Variants in ACACA observed in about 807,000 individuals in gnomAD.
ACACA encodes the protein acetyl-CoA carboxylase alpha.
Under a neutral mutation model 296.1 loss-of-function variants are expected in ACACA, and 103 were observed. That is an observed-to-expected ratio of 0.35 (90% CI 0.30 to 0.41). The LOEUF is 0.41. Among genes scored for constraint, ACACA ranks in the 10% least tolerant of loss-of-function variants. The pLI, the probability that ACACA is intolerant of heterozygous loss-of-function variation, is 1.00. For missense variants in ACACA, 1,554 were observed against 2,989.7 expected (o/e 0.52, Z 11.20); for synonymous variants, 953 against 1,038.6 (o/e 0.92, Z 1.58).
chr17:37,115,979 T>C (rs2074228854), intron 50 of ACACA, among the ~76,000 whole-genome samples: 1 of 152,050 alleles, frequency 6.6e-6, no homozygotes, highest in Non-Finnish European at 1.5e-5. Context: ...TACTACTTCA[T>C]TCTTTTTTTT....
chr17:37,116,878 T>G (rs2074282110), intron 50 of ACACA, among the ~76,000 whole-genome samples: 2 of 152,196 alleles, frequency 1.3e-5, no homozygotes, highest in African/African-American at 4.8e-5. Flanking sequence ...GAAATCAGTC[T>G]ACAGAATTTT....
chr17:37,088,142 A>G (rs1351807151), intron 55 of ACACA, among the ~76,000 whole-genome samples: 2 of 152,156 alleles, frequency 1.3e-5, no homozygotes, highest in East Asian at 3.8e-4. Context: ...ATGGGGAGAC[A>G]TCAGACAAAC....
chr17:37,090,471 T>G (rs1344447527), intron 54 of ACACA, among the ~76,000 whole-genome samples: 2 of 152,190 alleles, frequency 1.3e-5, no homozygotes, highest in Non-Finnish European at 2.9e-5. Flanking sequence ...ATGTGCCCAG[T>G]TCTGTATCTA....
chr17:37,193,542 T>C, intron 35 of ACACA, 127 bp from the exon 36 acceptor site: 1 of 704,508 alleles, frequency 1.4e-6, no homozygotes. Context: ...TTACCTAAGC[T>C]TAGTCCAGGA....
At chr17:37,121,288 C>A (rs2074516568) in intron 50 of ACACA, 67 bp downstream of exon 50, 1 of 1,608,792 alleles carries the variant, frequency 6.2e-7, no homozygotes, top group Non-Finnish European at 8.5e-7. Flanking sequence ...TGAATCTATA[C>A]CCTCCCTCTG....
At chr17:37,323,896 C>T (rs920320466) in intron 3 of ACACA, among the ~76,000 whole-genome samples, 4 of 152,222 alleles carry the variant, frequency 2.6e-5, no homozygotes, top group African/African-American at 4.8e-5. Flanking sequence ...AATATCCATA[C>T]AACTAGATGG....
intron 3 of ACACA, among the ~76,000 whole-genome samples, chr17:37,320,110 G>A (rs2047279744): frequency 6.6e-6 from 1 of 152,034 alleles, no homozygotes; most frequent in Non-Finnish European, 1.5e-5. Flanking sequence ...GGACAACAGA[G>A]AGAAACCCTG....
intron 41 of ACACA, chr17:37,162,754 T>G (rs986540641): frequency 9.8e-6 from 2 of 205,012 alleles, no homozygotes; most frequent in African/African-American, 4.8e-5. Flanking sequence ...CTCTGGTACT[T>G]GGTATCTCAG....
chr17:37,255,518 G>C (rs1211797822), intron 14 of ACACA, among the ~76,000 whole-genome samples: 1 of 152,164 alleles, frequency 6.6e-6, no homozygotes, highest in African/African-American at 2.4e-5. Context: ...CAAATGTACA[G>C]AGCTGGTCAG....
At chr17:37,207,844 A>C in intron 30 of ACACA, 44 bp from the exon 31 acceptor site, 1 of 1,605,496 alleles carries the variant, frequency 6.2e-7, no homozygotes, top group South Asian at 1.1e-5. Context: ...GGAGGGTAGG[A>C]GCAAGGACTG....
intron 16 of ACACA, among the ~76,000 whole-genome samples, 184 bp downstream of exon 16, chr17:37,251,821 G>C (rs939739815): frequency 6.6e-6 from 1 of 150,556 alleles, no homozygotes; most frequent in Admixed American, 6.6e-5. Flanking sequence ...TCTGCAGTTT[G>C]ACTCCCCAAA....
At chr17:37,205,575 GACAC>G (rs112902642) in intron 33 of ACACA, among the ~76,000 whole-genome samples, 186 bp downstream of exon 33, 35 of 152,208 alleles carry the variant, frequency 2.3e-4, no homozygotes, top group Middle Eastern at 3.4e-3. Context: ...ATTATCTGTT[GACAC>G]ACAAAGATAT....
At chr17:37,173,982 T>TTTTATATA (rs1410582295) in intron 41 of ACACA, among the ~76,000 whole-genome samples, 1 of 19,450 alleles carries the variant, frequency 5.1e-5, no homozygotes, top group Non-Finnish European at 1.0e-4. Context: ...CCTGGCTAAT[T>TTTTATATA]TATATATATA....
At chr17:37,225,931 A>C (rs2079524269) in intron 26 of ACACA, among the ~76,000 whole-genome samples, 1 of 152,200 alleles carries the variant, frequency 6.6e-6, no homozygotes, top group Admixed American at 6.5e-5. Flanking sequence ...TCATTTCATT[A>C]TCTTTCTGCT....
chr17:37,353,906 G>A (rs571181616), intron 1 of ACACA, among the ~76,000 whole-genome samples: 3 of 152,046 alleles, frequency 2.0e-5, no homozygotes, highest in Admixed American at 6.6e-5. Flanking sequence ...CTAGGAGTTC[G>A]AAACCAGCCT....
Position 37,277,085 on chromosome 17 carries a change from A to T in ACACA, c.750T>A (p.Ser250=), listed in dbSNP as rs775740520. The change falls in exon 7 of 56, where the codon TCT becomes TCA. Residue 250 remains serine (S), a synonymous_variant. Transcript: ENST00000616317. ...QAVWAGWGHA[S]ENPKLPELLL... is the part of the protein sequence containing the mutation. ...GAAGTTCCGGTAGTTTGGGATTCTC[A>T]GAAGCATGACCCCAGCCAGCCCACA... 3 of 1,614,156 alleles carry T rather than the reference A, an allele frequency of 1.9e-6. No individual in the cohort carries two copies. The highest frequency in any genetic ancestry group is 2.2e-5 in the South Asian group (2 of 91,080).
chr17:37,091,961 C>T (rs1326379280), intron 54 of ACACA, among the ~76,000 whole-genome samples: 8 of 152,104 alleles, frequency 5.3e-5, no homozygotes, highest in Non-Finnish European at 7.4e-5. Context: ...ACCTTATTCC[C>T]AGGAAGAAGC....
intron 27 of ACACA, 26 bp downstream of exon 27, chr17:37,224,966 T>TTATATATA (rs200129602): frequency 1.6e-5 from 15 of 912,192 alleles, no homozygotes; most frequent in Admixed American, 7.3e-5. Flanking sequence ...CAGGAAAGGG[T>TTATATATA]TATATATATA....
chr17:37,242,657 T>G (rs1407730463), intron 22 of ACACA, among the ~76,000 whole-genome samples: 1 of 152,086 alleles, frequency 6.6e-6, no homozygotes, highest in Non-Finnish European at 1.5e-5. Flanking sequence ...ATTGGGCCTA[T>G]GGGGTCAAGG....
Sources: allele counts gnomAD v4.1 joint callset (sites outside exome capture counted in the v4.1 genomes callset), GRCh38; gene constraint gnomAD v4.1.1; transcripts MANE v1.5; gene names NCBI Gene and HGNC (gene_info 2026-07-23, HGNC 2026-07-21).